Variants in BRINP3 observed in about 807,000 individuals in gnomAD.
BRINP3 encodes BMP/retinoic acid inducible neural specific 3.
Under a neutral mutation model 71.0 loss-of-function variants are expected in BRINP3, and 19 were observed. The ratio of observed to expected loss-of-function variants is 0.27; its 90% CI spans 0.19 to 0.39. BRINP3 has a LOEUF of 0.39. Among genes scored for constraint, BRINP3 ranks in the 10% least tolerant of loss-of-function variants. BRINP3 has a pLI of 1.00. For missense variants in BRINP3, 959 were observed against 940.8 expected, an observed-to-expected ratio of 1.02 and a Z score of -0.25; for synonymous variants, 380 against 337.7, an observed-to-expected ratio of 1.13 and a Z score of -1.37.
At chr1:190,160,982 A>C in intron 6 of BRINP3, 92 bp from the exon 7 acceptor site, 1 of 798,656 alleles carries the variant, frequency 1.3e-6, no homozygotes, top group Non-Finnish European at 2.0e-6. Context: ...ACAAATACAT[A>C]TACACATATA....
intron 6 of BRINP3, among the ~76,000 whole-genome samples, chr1:190,188,952 G>T (rs1360436243): frequency 1.3e-5 from 2 of 151,920 alleles, no homozygotes; most frequent in Non-Finnish European, 2.9e-5. Flanking sequence ...GTGGAGATGG[G>T]GGTCTCACCT....
chr1:190,451,412 T>A (rs1391843843), intron 2 of BRINP3, among the ~76,000 whole-genome samples: 2 of 152,252 alleles, frequency 1.3e-5, no homozygotes, highest in East Asian at 3.9e-4. Context: ...ATTATACATA[T>A]CCTGACAGGC....
At chr1:190,211,470 G>A (rs368014661) in intron 6 of BRINP3, among the ~76,000 whole-genome samples, 87 of 152,072 alleles carry the variant, frequency 5.7e-4, no homozygotes, top group African/African-American at 2.0e-3. Context: ...AAATCAAATC[G>A]AATGTATAGA....
chr1:190,448,376 T>C (rs1675367418), intron 2 of BRINP3, among the ~76,000 whole-genome samples: 1 of 151,694 alleles, frequency 6.6e-6, no homozygotes, highest in East Asian at 1.9e-4. Context: ...GTTACATATT[T>C]AGTGCACAAA....
chr1:190,164,408 C>G (rs1651293267), intron 6 of BRINP3, among the ~76,000 whole-genome samples: 1 of 151,904 alleles, frequency 6.6e-6, no homozygotes, highest in South Asian at 2.1e-4. Context: ...GTAAGCAGGA[C>G]TATGGATAGG....
At chr1:190,169,465 C>T (rs903402519) in intron 6 of BRINP3, among the ~76,000 whole-genome samples, 3 of 152,156 alleles carry the variant, frequency 2.0e-5, no homozygotes, top group Non-Finnish European at 4.4e-5. Context: ...GAGCCAGCAT[C>T]TCCAATCCTT....
intron 2 of BRINP3, among the ~76,000 whole-genome samples, chr1:190,329,280 C>T (rs1185083167): frequency 6.6e-6 from 1 of 152,008 alleles, no homozygotes; most frequent in Non-Finnish European, 1.5e-5. Context: ...CCTAGAAAAT[C>T]CTAGAGACTC....
chr1:190,414,253 C>A (rs892150740), intron 2 of BRINP3, among the ~76,000 whole-genome samples: 2 of 151,892 alleles, frequency 1.3e-5, no homozygotes, highest in Non-Finnish European at 2.9e-5. Context: ...GGGTATTGAG[C>A]CCAGTGAAGT....
chr1:190,400,588 C>T (rs978091782), intron 2 of BRINP3, among the ~76,000 whole-genome samples: 5 of 152,124 alleles, frequency 3.3e-5, no homozygotes, highest in African/African-American at 4.8e-5. Flanking sequence ...CATCTGTTTT[C>T]TTCCATGATT....
chr1:190,319,870 G>C lies in BRINP3; in HGVS notation c.237-38120C>G, dbSNP rs557519440. Reference sequence around the variant, plus strand: ...AAATCCTATCAGCTTCCTAGTAAGTGCTATATTGTATTTATCTTTGCACAT... The same window carrying C: ...AAATCCTATCAGCTTCCTAGTAAGTCCTATATTGTATTTATCTTTGCACAT... On this transcript the variant is annotated intron_variant, in intron 2 of 7. Coordinates refer to ENST00000367462, the MANE Select transcript of BRINP3 (RefSeq NM_199051.3). Among the ~76,000 whole-genome samples, 3 of 152,106 alleles carry C rather than the reference G, an allele frequency of 2.0e-5. No homozygotes were observed. The South Asian group carries it at 6.2e-4, about 32-fold the overall frequency.
intron 7 of BRINP3, among the ~76,000 whole-genome samples, chr1:190,159,514 C>T (rs1230702843): frequency 2.0e-5 from 3 of 152,048 alleles, no homozygotes. Flanking sequence ...TATACCCATA[C>T]TACTGATGCT....
intron 2 of BRINP3, among the ~76,000 whole-genome samples, chr1:190,338,708 T>C (rs936261572): frequency 9.2e-5 from 14 of 151,892 alleles, no homozygotes; most frequent in South Asian, 4.1e-4. Flanking sequence ...TGTGTCTTGC[T>C]TACCTGTACT....
intron 4 of BRINP3, among the ~76,000 whole-genome samples, chr1:190,253,167 C>A (rs1660307090): frequency 6.6e-6 from 1 of 152,102 alleles, no homozygotes; most frequent in Admixed American, 6.5e-5. Flanking sequence ...TTTCTTAATC[C>A]AGTCTATCAT....
At chr1:190,176,165 T>A (rs1429382800) in intron 6 of BRINP3, among the ~76,000 whole-genome samples, 1 of 152,138 alleles carries the variant, frequency 6.6e-6, no homozygotes, top group Non-Finnish European at 1.5e-5. Context: ...CATGATGATA[T>A]CAAATATTCC....
At chr1:190,220,554 G>A (rs1054946237) in intron 6 of BRINP3, among the ~76,000 whole-genome samples, 4 of 151,936 alleles carry the variant, frequency 2.6e-5, no homozygotes, top group Non-Finnish European at 5.9e-5. Flanking sequence ...TTTTAAAAAA[G>A]AAGCAAATAA....
At chr1:190,196,540 T>C (rs1571331124) in intron 6 of BRINP3, among the ~76,000 whole-genome samples, 1 of 152,098 alleles carries the variant, frequency 6.6e-6, no homozygotes, top group Admixed American at 6.6e-5. Flanking sequence ...GAAGCACATA[T>C]CTAGGCGTTA....
At chr1:190,467,923 G>A (rs566590230) in intron 1 of BRINP3, among the ~76,000 whole-genome samples, 90 of 151,318 alleles carry the variant, frequency 5.9e-4, no homozygotes, top group Non-Finnish European at 1.1e-3. Context: ...GAGACATTAC[G>A]ATATCTGACA....
intron 7 of BRINP3, among the ~76,000 whole-genome samples, chr1:190,149,628 TG>T (rs1656210256): frequency 9.3e-6 from 1 of 106,994 alleles, no homozygotes; most frequent in South Asian, 3.7e-4. Context: ...TGAGTAGTTG[TG>T]TGTGTGTGTG....
chr1:190,148,660 C>T (rs1214195190), intron 7 of BRINP3, among the ~76,000 whole-genome samples: 2 of 150,108 alleles, frequency 1.3e-5, no homozygotes, highest in Admixed American at 6.6e-5. Context: ...AATTCTATCT[C>T]CTCATTCTTT....
Sources: allele counts gnomAD v4.1 joint callset (sites outside exome capture counted in the v4.1 genomes callset), GRCh38; gene constraint gnomAD v4.1.1; transcripts MANE v1.5; gene names NCBI Gene and HGNC (gene_info 2026-07-23, HGNC 2026-07-21).